The following DCDC2 variants were observed in gnomAD, a reference collection of about 807,000 sequenced individuals.
The protein encoded by DCDC2 is doublecortin domain containing 2.
In DCDC2, 40 loss-of-function variants were observed where a neutral mutation model predicts 50.2. The observed-to-expected ratio is 0.80, with a 90% confidence interval of 0.62 to 1.04. DCDC2 has a LOEUF of 1.04. DCDC2 is among the 50% of genes least tolerant of loss of function. The pLI is 0.00. For synonymous variants in DCDC2, 234 were observed against 210.6 expected, an observed-to-expected ratio of 1.11 and a Z score of -0.96; for missense variants, 570 against 581.9, an observed-to-expected ratio of 0.98 and a Z score of 0.21.
intron 2 of DCDC2, among the ~76,000 whole-genome samples, chr6:24,318,516 T>C (rs554672367): frequency 2.0e-5 from 3 of 152,218 alleles, no homozygotes; most frequent in Admixed American, 6.5e-5. Flanking sequence ...TAATGTACAA[T>C]GTATCCACTA....
intron 4 of DCDC2, among the ~76,000 whole-genome samples, chr6:24,291,524 C>G (rs1296260027): frequency 7.3e-6 from 1 of 136,718 alleles, no homozygotes; most frequent in Non-Finnish European, 1.5e-5. Context: ...CTCGCTCTGT[C>G]GCCCAGGCTG....
the DCDC2 span, among the ~76,000 whole-genome samples, chr6:24,382,407 T>TA: frequency 6.6e-6 from 1 of 152,152 alleles, no homozygotes; most frequent in Non-Finnish European, 1.5e-5. Context: ...AAGCAATGTT[T>TA]AAAAAAATCA....
chr6:24,379,284 T>A, the DCDC2 span, among the ~76,000 whole-genome samples: 1 of 152,144 alleles, frequency 6.6e-6, no homozygotes. Flanking sequence ...TTTTGCAATC[T>A]ATCCATCTGA....
At chr6:24,376,535 C>G in the DCDC2 span, among the ~76,000 whole-genome samples, 9 of 152,188 alleles carry the variant, frequency 5.9e-5, no homozygotes, top group East Asian at 1.7e-3. Context: ...CATGGAGAAG[C>G]AGTACAGACT....
At chr6:24,372,153 G>C in the DCDC2 span, among the ~76,000 whole-genome samples, 1 of 152,162 alleles carries the variant, frequency 6.6e-6, no homozygotes, top group Non-Finnish European at 1.5e-5. Flanking sequence ...CGGGCGCGGT[G>C]GCTCACGCCT....
intron 2 of DCDC2, among the ~76,000 whole-genome samples, chr6:24,328,855 C>A (rs1413199430): frequency 1.3e-5 from 2 of 152,152 alleles, no homozygotes; most frequent in East Asian, 3.9e-4. Context: ...ACAAGCTCTT[C>A]CTTGGAAAGC....
chr6:24,339,566 G>T (rs1760117702), intron 2 of DCDC2, among the ~76,000 whole-genome samples: 1 of 152,110 alleles, frequency 6.6e-6, no homozygotes, highest in Non-Finnish European at 1.5e-5. Context: ...CATGAAAGAA[G>T]GCTTAAAATA....
chr6:24,213,879 T>C (rs796696373), intron 7 of DCDC2, among the ~76,000 whole-genome samples: 13 of 152,214 alleles, frequency 8.5e-5, no homozygotes, highest in African/African-American at 3.1e-4. Context: ...TATAAAAAAA[T>C]CATCATAAGG....
intron 2 of DCDC2, among the ~76,000 whole-genome samples, chr6:24,341,932 G>A (rs187657908): frequency 9.3e-5 from 11 of 117,800 alleles, no homozygotes; most frequent in East Asian, 7.4e-4. Context: ...GAGGGCGCAC[G>A]CATGTGTGCA....
upstream of DCDC2, among the ~76,000 whole-genome samples, chr6:24,358,963 T>C (rs1290839004): frequency 2.2e-4 from 18 of 81,244 alleles, 1 homozygote; most frequent in East Asian, 4.9e-3. Flanking sequence ...ATATATTATA[T>C]ATTATATATT....
chr6:24,317,691 T>G (rs1420642517), intron 2 of DCDC2, among the ~76,000 whole-genome samples: 1 of 151,470 alleles, frequency 6.6e-6, no homozygotes, highest in African/African-American at 2.4e-5. Context: ...AAAAGCACCA[T>G]AAGCAAAGTC....
chr6:24,188,829 A>G (rs4712809), intron 8 of DCDC2, among the ~76,000 whole-genome samples: 151,039 of 152,216 alleles, frequency 0.99, 74,945 homozygotes, highest in Middle Eastern at 1. Flanking sequence ...TGTACATAAT[A>G]GTATAAACAA....
rs146799121 is a variant in DCDC2 at position 24,187,605 on chromosome 6, T to G, written c.1024-8973A>C. 1.6e-4 allele frequency among the ~76,000 whole-genome samples: 25 copies of G among 152,342 alleles called. No homozygotes were observed. The East Asian group carries it at 4.8e-3, about 29-fold the overall frequency. ...ATGATTATAGAATAACGGGGAAATATCAGCCCTGGCACTATGGAGGTCTTC... is the reference window on the plus strand; with the variant it reads ...ATGATTATAGAATAACGGGGAAATAGCAGCCCTGGCACTATGGAGGTCTTC... On this transcript the variant is annotated intron_variant, in intron 8 of 9. Coordinates refer to ENST00000378454, the MANE Select transcript of DCDC2 (RefSeq NM_016356.5).
intron 7 of DCDC2, among the ~76,000 whole-genome samples, chr6:24,206,176 C>A (rs544763915): frequency 1.3e-5 from 2 of 152,088 alleles, no homozygotes; most frequent in African/African-American, 2.4e-5. Flanking sequence ...TGTTGAGGAC[C>A]AATTATATGC....
At chr6:24,236,855 TA>T (rs1315670535) in intron 7 of DCDC2, among the ~76,000 whole-genome samples, 3 of 151,692 alleles carry the variant, frequency 2.0e-5, no homozygotes, top group African/African-American at 7.3e-5. Flanking sequence ...ACTAAAAATA[TA>T]AAAATTAGCT....
intron 1 of DCDC2, chr6:24,356,850 C>T (rs1159145161): frequency 6.6e-6 from 1 of 152,196 alleles, no homozygotes. Flanking sequence ...GGTCTAATCA[C>T]GTTGCTGGAG....
intron 1 of DCDC2, 65 bp from the exon 2 acceptor site, chr6:24,353,688 T>A: frequency 9.8e-7 from 1 of 1,016,554 alleles, no homozygotes; most frequent in Non-Finnish European, 1.4e-6. Context: ...AATTTATTTT[T>A]AAAAATCATA....
intron 8 of DCDC2, among the ~76,000 whole-genome samples, chr6:24,184,406 T>G (rs1425636417): frequency 6.6e-6 from 1 of 151,930 alleles, no homozygotes; most frequent in Non-Finnish European, 1.5e-5. Flanking sequence ...AAACCCCGTC[T>G]CTACTAAAAT....
At chr6:24,360,283 C>T (rs1197355955), upstream of DCDC2, among the ~76,000 whole-genome samples, 2 of 152,166 alleles carry the variant, frequency 1.3e-5, no homozygotes, top group Non-Finnish European at 2.9e-5. Context: ...GAGGGAGAAA[C>T]AGGTGACATG....
Sources: gnomAD v4.1 joint callset for allele counts (sites outside exome capture counted in the v4.1 genomes callset) on GRCh38, gnomAD v4.1.1 for gene constraint, MANE v1.5 for transcripts, NCBI Gene and HGNC (gene_info 2026-07-23, HGNC 2026-07-21) for gene names.